Variants in ADGRF3 observed in about 807,000 individuals in gnomAD.
ADGRF3 encodes adhesion G protein-coupled receptor F3.
Under a neutral mutation model 93.2 loss-of-function variants are expected in ADGRF3, and 85 were observed. The observed-to-expected ratio is 0.91, with a 90% CI of 0.77 to 1.09. ADGRF3 has a LOEUF of 1.09. Ranked by LOEUF, ADGRF3 falls within the 50% of genes least tolerant of loss-of-function variation. The probability of loss-of-function intolerance (pLI) is 0.00; values close to 1 mark genes in which losing one functional copy is unlikely to be tolerated. For synonymous variants in ADGRF3, 534 were observed against 532.5 expected, an observed-to-expected ratio of 1.00 and a Z score of -0.04; for missense variants, 1,125 against 1,246.2, an observed-to-expected ratio of 0.90 and a Z score of 1.46.
chr2:26,332,708 C>G (rs1313101114), intron 1 of ADGRF3, among the ~76,000 whole-genome samples: 2 of 152,140 alleles, frequency 1.3e-5, no homozygotes, highest in East Asian at 1.9e-4. Flanking sequence ...CCACTGGTCT[C>G]CAGCCTGGAC....
At chr2:26,328,376 A>G (rs1026558763) in intron 1 of ADGRF3, among the ~76,000 whole-genome samples, 1 of 149,984 alleles carries the variant, frequency 6.7e-6, no homozygotes, top group Non-Finnish European at 1.5e-5. Context: ...ATCAGCCACT[A>G]TTTCAAATTG....
At chr2:26,319,158 T>C in intron 1 of ADGRF3, 1 of 1,180,770 alleles carries the variant, frequency 8.5e-7, no homozygotes, top group Non-Finnish European at 1.2e-6. Context: ...GAGCCAGGGC[T>C]GAATTTACAG....
Position 26,312,073 on chromosome 2 carries a change from T to C in ADGRF3, c.1451A>G (p.Asn484Ser), listed in dbSNP as rs115663836. ...RIQLDRRALK[N>S]LLIATDKVLD... ...GACCTTGTCTGTGGCAATCAGGAGA[T>C]TCTGCAGCACCCAAAAGAAAGATGA... The change falls in exon 10 of 14, where the codon AAT becomes AGT. Residue 484 changes from asparagine (N) to serine (S), a missense_variant and splice_region_variant. Coordinates refer to ENST00000651242, the MANE Select transcript of ADGRF3 (RefSeq NM_001321971.2). 1.1e-3 allele frequency: 1,702 copies of C among 1,603,036 alleles called. 18 individuals are homozygous for C. The African/African-American group carries it at 0.02, about 19-fold the overall frequency.
At chr2:26,317,120 A>T in intron 2 of ADGRF3, 65 bp from the exon 3 acceptor site, 1 of 1,519,538 alleles carries the variant, frequency 6.6e-7, no homozygotes, top group Non-Finnish European at 8.9e-7. Context: ...TCCCCTCTGG[A>T]TTCTCTCACC....
chr2:26,308,292 T>G lies in ADGRF3; in HGVS notation c.*794A>C, dbSNP rs2147852923. The G allele has an allele frequency of 1.3e-5, 2 of 152,286 alleles. No homozygotes were observed. Among genetic ancestry groups the G allele is most frequent in the South Asian group, 4.1e-4 (2 of 4,834 alleles). 9.4% of individuals were successfully genotyped at this position (152,286 alleles called of 1,614,324 possible). A position where few individuals can be genotyped will look rare whatever the true frequency, so the allele number is the denominator to read the frequency against. The stretch of plus-strand genomic sequence containing the variant: ...CATCAGACTTTTTTCACGTATCTAG[T>G]TTAAAAATTTCTCAGAATCCTGTCA... On this transcript the variant is annotated 3_prime_UTR_variant, in exon 14 of 14. Coordinates refer to ENST00000651242, the MANE Select transcript of ADGRF3 (RefSeq NM_001321971.2).
rs774795803 is a variant in ADGRF3 at position 26,313,352 on chromosome 2, G to A, written c.1269+25C>T. ...CTAGGGTGGGCCGTGGAGGGGGCAC[G>A]TGGGCAGCAGGGTGGAAGCTTCACC... is the stretch of plus-strand genomic sequence containing the variant. On this transcript the variant is annotated intron_variant, in intron 8 of 13. Transcript: ENST00000651242. 1.0e-5 allele frequency: 16 copies of A among 1,542,778 alleles called. 1 individual carries two copies. In the South Asian group the frequency reaches 1.5e-4, roughly 14 times the overall value.
At position 26,315,586 on chromosome 2, in the gene ADGRF3, C is replaced by G; in HGVS notation, c.654G>C (p.Val218=). ...CCTGGCCGTGGCTGGAAGTCACAGA[C>G]ACCTGTGTCCCTGGCTGCAGGAGGA... ...SPILLQPGTQ[V]SVTSSHGQAA... is the part of the protein sequence containing the mutation. The change falls in exon 5 of 14, where the codon GTG becomes GTC. Residue 218 remains valine, a synonymous_variant. Coordinates refer to ENST00000651242, the MANE Select transcript of ADGRF3 (RefSeq NM_001321971.2). 1 of 1,551,624 alleles carries G rather than the reference C, an allele frequency of 6.4e-7. No homozygotes were observed. The highest frequency in any genetic ancestry group is 8.7e-7 in the Non-Finnish European group (1 of 1,147,006).
In ADGRF3 at chr2:26,312,018, G is replaced by A; in HGVS notation, c.1506C>T (p.Thr502=). 6.2e-7 allele frequency: 1 copy of A among 1,612,986 alleles called. No individual in the cohort carries two copies. The highest frequency in any genetic ancestry group is 8.5e-7 in the Non-Finnish European group (1 of 1,179,864). Residue 502 remains threonine, a synonymous_variant, in exon 10 of 14, where the codon ACC becomes ACT. Coordinates refer to ENST00000651242, the MANE Select transcript of ADGRF3 (RefSeq NM_001321971.2). Reference sequence around the variant, plus strand: ...CCCAGGGCTTCCGGGCTTGGGCCAGGGTCCACAGAGACCTGGTGTCCATAT... The same window carrying A: ...CCCAGGGCTTCCGGGCTTGGGCCAGAGTCCACAGAGACCTGGTGTCCATAT... ...VLDMDTRSLW[T]LAQARKPWAG...
At chr2:26,317,631 T>C (rs1378755213) in intron 1 of ADGRF3, 69 bp from the exon 2 acceptor site, 45 of 1,363,030 alleles carry the variant, frequency 3.3e-5, no homozygotes, top group African/African-American at 2.3e-4. Context: ...GCCTGACTAG[T>C]CTCAGCCAGC....
intron 1 of ADGRF3, among the ~76,000 whole-genome samples, chr2:26,321,310 G>C (rs1675136522): frequency 6.6e-6 from 1 of 152,178 alleles, no homozygotes; most frequent in Admixed American, 6.5e-5. Context: ...AGAGAGAAGT[G>C]AGAGAGAAAA....
intron 1 of ADGRF3, 51 bp downstream of exon 1, chr2:26,346,070 A>AG (rs898438317): frequency 2.0e-5 from 31 of 1,515,430 alleles, no homozygotes; most frequent in Middle Eastern, 1.7e-4. Context: ...AGGCGGCCGA[A>AG]GGGGCCGAGG....
At chr2:26,317,428 C>G (rs1674798494) in intron 2 of ADGRF3, 68 bp downstream of exon 2, 25 of 1,466,584 alleles carry the variant, frequency 1.7e-5, no homozygotes, top group Non-Finnish European at 2.2e-5. Flanking sequence ...TTTCTGGGTC[C>G]TGGGTTTCCA....
chr2:26,314,514 G>A lies in ADGRF3; in HGVS notation c.828C>T (p.Ser276=). 1 of 1,614,062 alleles carries A rather than the reference G, an allele frequency of 6.2e-7. No individual in the cohort carries two copies. The change falls in exon 6 of 14, where the codon TCC becomes TCT. Residue 276 remains serine (S), a synonymous_variant. Transcript: ENST00000651242. ...AGCCAGGGGAGGTGGCACAGGAGATGGACAGCTGGTATGGAAGTCGAGCCA... is the reference window on the plus strand; with the variant it reads ...AGCCAGGGGAGGTGGCACAGGAGATAGACAGCTGGTATGGAAGTCGAGCCA... ...TDVARLPYQL[S]ISCATSPGFQ...
intron 1 of ADGRF3, among the ~76,000 whole-genome samples, chr2:26,319,618 T>TTCCTTCCCTCCTTCCTTC (rs1558391141): frequency 2.1e-5 from 1 of 48,684 alleles, no homozygotes; most frequent in Non-Finnish European, 4.2e-5. Context: ...TTCCTTCCTT[T>TTCCTTCCCTCCTTCCTTC]CTTTCTTTGT....
chr2:26,312,974 G>T lies in ADGRF3; in HGVS notation c.1418C>A (p.Ala473Asp). ...MKYVAKVVAE[A>D]RIQLDRRALK... ...GGCTCTGCGGTCAAGCTGTATTCTG[G>T]CCTCTGCCACCACCTTGGCCACGTA... The change falls in exon 9 of 14, where the codon GCC becomes GAC. Residue 473 changes from alanine to aspartate, a missense_variant. Ala to Asp is a moderately radical substitution (Grantham distance 126). Coordinates refer to ENST00000651242, the MANE Select transcript of ADGRF3 (RefSeq NM_001321971.2). 1.2e-6 allele frequency: 2 copies of T among 1,613,512 alleles called. No homozygotes were observed. Among genetic ancestry groups the T allele is most frequent in the Non-Finnish European group, 1.7e-6 (2 of 1,179,686 alleles).
At position 26,346,458 on chromosome 2, in the gene ADGRF3, G is replaced by T. The variant is rs879539074; in HGVS notation, c.-224C>A. 2.7e-5 allele frequency: 22 copies of T among 804,508 alleles called. No homozygotes were observed. The highest frequency in any genetic ancestry group is 3.7e-5 in the Non-Finnish European group (20 of 544,472). The allele number at this position is 804,508 out of a possible 1,614,324, so 49.8% of individuals were successfully genotyped here. On this transcript the variant is annotated 5_prime_UTR_variant, in exon 1 of 14. Coordinates refer to ENST00000651242, the MANE Select transcript of ADGRF3 (RefSeq NM_001321971.2). ...CTGGGGATTGGGGGTCGGGGAGCGTGGGAGCATCCTAAGCCCGCCGCCCGT... is the reference window on the plus strand; with the variant it reads ...CTGGGGATTGGGGGTCGGGGAGCGTTGGAGCATCCTAAGCCCGCCGCCCGT...
chr2:26,311,928 G>T lies in ADGRF3; in HGVS notation c.1596C>A (p.Pro532=), dbSNP rs749969028. The change falls in exon 10 of 14, where the codon CCC becomes CCA. Residue 532 remains proline (P), a synonymous_variant. Transcript: ENST00000651242. ...GCACATTGGGTAAGCTGAAGGCGAA[G>T]GGGTGGTCCTGTGGGCACAGGCTGC... ...LACSLCPQDH[P]FAFSLPNVLL... 6.2e-7 allele frequency: 1 copy of T among 1,613,894 alleles called. No individual in the cohort carries two copies. Among genetic ancestry groups the T allele is most frequent in the East Asian group, 2.2e-5 (1 of 44,876 alleles).
intron 1 of ADGRF3, chr2:26,318,107 G>C: frequency 6.5e-7 from 1 of 1,546,268 alleles, no homozygotes; most frequent in South Asian, 1.2e-5. Context: ...GGATGGGGCA[G>C]GCAGGGAAGG....
At position 26,317,609 on chromosome 2, in the gene ADGRF3, C is replaced by T. The variant is rs762965951; in HGVS notation, c.115-47G>A. 3.3e-6 allele frequency: 5 copies of T among 1,516,616 alleles called. No individual in the cohort carries two copies. In the South Asian group the frequency reaches 4.8e-5, roughly 15 times the overall value. 93.9% of individuals were successfully genotyped at this position (1,516,616 alleles called of 1,614,324 possible). ...AGACCTCAAGTCCCTTCCAAAGGCA[C>T]CCCAGGGGCCAGCCTGACTAGTCTC... is the stretch of plus-strand genomic sequence containing the variant. On this transcript the variant is annotated intron_variant, in intron 1 of 13. Coordinates refer to ENST00000651242, the MANE Select transcript of ADGRF3 (RefSeq NM_001321971.2).
Sources: gnomAD v4.1 joint callset for allele counts (sites outside exome capture counted in the v4.1 genomes callset) on GRCh38, gnomAD v4.1.1 for gene constraint, MANE v1.5 for transcripts, NCBI Gene and HGNC (gene_info 2026-07-23, HGNC 2026-07-21) for gene names.